Variants in UBE4B observed in about 807,000 individuals in gnomAD.
UBE4B encodes ubiquitination factor E4B.
A neutral mutation model predicts 148.1 loss-of-function variants in UBE4B; 27 were observed. That is an observed-to-expected ratio of 0.18 (90% confidence interval 0.13 to 0.25). The LOEUF (loss-of-function observed/expected upper bound fraction) is 0.25, where lower values mean the gene tolerates loss of function less well. Ranked by LOEUF, UBE4B falls within the 10% of genes least tolerant of loss-of-function variation. The pLI is 1.00. For missense variants in UBE4B, 1,170 were observed against 1,662.4 expected, an observed-to-expected ratio of 0.70 and a Z score of 5.15; for synonymous variants, 596 against 619.3, an observed-to-expected ratio of 0.96 and a Z score of 0.56.
intron 23 of UBE4B, among the ~76,000 whole-genome samples, chr1:10,162,413 T>C (rs1027116491): frequency 1.3e-4 from 20 of 152,142 alleles, no homozygotes; most frequent in African/African-American, 4.6e-4. Context: ...GACCTTGTGA[T>C]CCGCCTTCCT....
At chr1:10,037,219 G>T (rs1164303897) in intron 1 of UBE4B, among the ~76,000 whole-genome samples, 1 of 152,126 alleles carries the variant, frequency 6.6e-6, no homozygotes, top group Middle Eastern at 3.2e-3. Context: ...TAGCGACGGG[G>T]TTTCTCCATG....
At chr1:10,063,061 A>G (rs1378752517) in intron 1 of UBE4B, among the ~76,000 whole-genome samples, 1 of 152,002 alleles carries the variant, frequency 6.6e-6, no homozygotes, top group Non-Finnish European at 1.5e-5. Flanking sequence ...TGAGGTCAGG[A>G]ATTCGAAACC....
chr1:10,141,699 G>A (rs1029163398), intron 17 of UBE4B, among the ~76,000 whole-genome samples: 3 of 152,130 alleles, frequency 2.0e-5, no homozygotes, highest in African/African-American at 7.2e-5. Flanking sequence ...TTCTGGAAGC[G>A]AAGAGGGATG....
chr1:10,178,610 A>G, intron 25 of UBE4B, 34 bp from the exon 26 acceptor site: 2 of 1,554,054 alleles, frequency 1.3e-6, no homozygotes, highest in Non-Finnish European at 1.7e-6. Context: ...CCTGACGTAC[A>G]TTTACGTCTC....
intron 22 of UBE4B, among the ~76,000 whole-genome samples, chr1:10,160,925 A>G (rs1203777106): frequency 6.6e-6 from 1 of 152,184 alleles, no homozygotes; most frequent in Non-Finnish European, 1.5e-5. Flanking sequence ...GCTGGGCGAC[A>G]GAGTGAGACC....
In UBE4B at chr1:10,179,792, A is replaced by C; in HGVS notation, c.3848-103A>C. On this transcript the variant is annotated intron_variant, in intron 27 of 27. Coordinates refer to ENST00000343090, the MANE Select transcript of UBE4B (RefSeq NM_001105562.3). ...TCTGGAGTCTTCGGCTCAATGAGGGAAAGAATGGCCTTTTCTTCCCATTTA... is the reference window on the plus strand; with the variant it reads ...TCTGGAGTCTTCGGCTCAATGAGGGCAAGAATGGCCTTTTCTTCCCATTTA... The C allele has an allele frequency of 2.0e-6, 3 of 1,479,594 alleles. No homozygotes were observed. In the Admixed American group the frequency reaches 5.6e-5, roughly 28 times the overall value. 91.7% of individuals were successfully genotyped at this position (1,479,594 alleles called of 1,614,324 possible).
intron 2 of UBE4B, among the ~76,000 whole-genome samples, chr1:10,081,425 G>T (rs1471508166): frequency 1.6e-4 from 24 of 151,604 alleles, no homozygotes; most frequent in East Asian, 9.7e-4. Context: ...ATTATAATTG[G>T]TTTTTTTATG....
chr1:10,160,394 G>A (rs1379155290), intron 22 of UBE4B, among the ~76,000 whole-genome samples: 1 of 152,132 alleles, frequency 6.6e-6, no homozygotes, highest in Non-Finnish European at 1.5e-5. Flanking sequence ...GTTCTAGTCT[G>A]GAAGAAGTGT....
chr1:10,064,613 C>T (rs879906754), intron 1 of UBE4B, among the ~76,000 whole-genome samples: 1 of 152,112 alleles, frequency 6.6e-6, no homozygotes, highest in Admixed American at 6.6e-5. Flanking sequence ...GTTCCACTCT[C>T]TATCACCTCG....
rs138806933 is a variant in UBE4B at position 10,034,426 on chromosome 1, T to C, written c.24+732T>C. Among the ~76,000 whole-genome samples the C allele has an allele frequency of 2.8e-3, 423 of 152,248 alleles. 6 individuals carry two copies. Among genetic ancestry groups the C allele is most frequent in the African/African-American group, 9.9e-3 (411 of 41,558 alleles). On this transcript the variant is annotated intron_variant, in intron 1 of 27. Transcript: ENST00000343090. ...CTGTTCTCATTTCTTAAAGGAGTTATACAGATCTACTTCTTGATGTTTTAA... is the reference window on the plus strand; with the variant it reads ...CTGTTCTCATTTCTTAAAGGAGTTACACAGATCTACTTCTTGATGTTTTAA...
At chr1:10,176,289 A>G (rs1223074994) in intron 25 of UBE4B, among the ~76,000 whole-genome samples, 2 of 152,202 alleles carry the variant, frequency 1.3e-5, no homozygotes, top group South Asian at 2.1e-4. Context: ...GGCTCTTGCA[A>G]ATAGTGCTGC....
chr1:10,127,645 C>T (rs1645523358), intron 11 of UBE4B, among the ~76,000 whole-genome samples: 1 of 152,074 alleles, frequency 6.6e-6, no homozygotes, highest in South Asian at 2.1e-4. Context: ...TAAATTGAGA[C>T]CATGGTTGTT....
In UBE4B at chr1:10,110,583, G is replaced by T. The variant is rs116019519; in HGVS notation, c.1196+4000G>T. ...AAAAAAAAAATTACCCCATGGTAAA[G>T]GTACCGCAGAAGTTATCCGGAGGAA... On this transcript the variant is annotated intron_variant, in intron 7 of 27. Transcript: ENST00000343090. Among the ~76,000 whole-genome samples the T allele has an allele frequency of 2.9e-3, 443 of 152,284 alleles. 1 individual carries two copies. Among genetic ancestry groups the T allele is most frequent in the Admixed American group, 4.3e-3 (66 of 15,302 alleles).
intron 23 of UBE4B, among the ~76,000 whole-genome samples, chr1:10,165,024 G>C (rs953910587): frequency 6.6e-6 from 1 of 151,962 alleles, no homozygotes; most frequent in African/African-American, 2.4e-5. Flanking sequence ...GATGTCCCCC[G>C]GTGAACATCA....
chr1:10,178,317 T>C (rs1646456561), intron 25 of UBE4B, among the ~76,000 whole-genome samples: 1 of 152,014 alleles, frequency 6.6e-6, no homozygotes, highest in East Asian at 1.9e-4. Flanking sequence ...TGTTTAAACT[T>C]TAAAAGAAAT....
chr1:10,127,748 C>T (rs1309595951), intron 11 of UBE4B, among the ~76,000 whole-genome samples: 1 of 152,166 alleles, frequency 6.6e-6, no homozygotes, highest in Non-Finnish European at 1.5e-5. Context: ...GTGCTAGACA[C>T]TGGTGATACA....
intron 1 of UBE4B, among the ~76,000 whole-genome samples, chr1:10,055,273 TTTTTC>T (rs539556768): frequency 6.2e-4 from 94 of 151,876 alleles, no homozygotes; most frequent in Middle Eastern, 3.4e-3. Flanking sequence ...TTTTCATCAT[TTTTTC>T]TTTTCTTTTC....
intron 18 of UBE4B, among the ~76,000 whole-genome samples, chr1:10,146,148 G>A (rs909223666): frequency 9.9e-5 from 15 of 152,076 alleles, no homozygotes; most frequent in African/African-American, 3.4e-4. Context: ...GTGTTTCAAG[G>A]GGATCTATAA....
intron 16 of UBE4B, among the ~76,000 whole-genome samples, chr1:10,136,851 C>T (rs1288006306): frequency 6.6e-6 from 1 of 152,068 alleles, no homozygotes; most frequent in East Asian, 1.9e-4. Flanking sequence ...ACCTGGGAGG[C>T]GGAATTTGCA....
Sources: gnomAD v4.1 joint callset for allele counts (sites outside exome capture counted in the v4.1 genomes callset) on GRCh38, gnomAD v4.1.1 for gene constraint, MANE v1.5 for transcripts, NCBI Gene and HGNC (gene_info 2026-07-23, HGNC 2026-07-21) for gene names.